The following TPRG1 variants were observed in gnomAD, a reference collection of about 807,000 sequenced individuals.
TPRG1 encodes the protein tumor protein p63-regulated gene 1 protein.
TPRG1 carries 29 observed loss-of-function variants against 29.3 expected under a neutral mutation model. That is an observed-to-expected ratio of 0.99 (90% CI 0.74 to 1.35). The LOEUF is 1.35. Among genes scored for constraint, TPRG1 ranks in the 40% most tolerant of loss-of-function variants. The probability of loss-of-function intolerance (pLI) is 0.00; values close to 1 mark genes in which losing one functional copy is unlikely to be tolerated. For missense variants in TPRG1, 327 were observed against 335.0 expected, an observed-to-expected ratio of 0.98 and a Z score of 0.19; for synonymous variants, 130 against 116.8, an observed-to-expected ratio of 1.11 and a Z score of -0.73.
intron 4 of TPRG1, among the ~76,000 whole-genome samples, chr3:189,279,224 C>G (rs1716679089): frequency 6.6e-6 from 1 of 151,970 alleles, no homozygotes. Flanking sequence ...TCCTAGTTTG[C>G]CAACCTTTTC....
intron 2 of TPRG1, among the ~76,000 whole-genome samples, chr3:189,214,908 G>T (rs998516872): frequency 1.1e-4 from 16 of 149,272 alleles, no homozygotes; most frequent in South Asian, 2.2e-4. Context: ...TTGGAAGAAG[G>T]CTATGTTGTT....
At chr3:189,270,004 T>C (rs994461223) in intron 4 of TPRG1, among the ~76,000 whole-genome samples, 5 of 149,568 alleles carry the variant, frequency 3.3e-5, no homozygotes, top group Non-Finnish European at 7.4e-5. Flanking sequence ...TGGCTATCTT[T>C]TCTCTTCTCT....
At chr3:189,093,271 A>G (rs985638298) in intron 4 of TPRG1, among the ~76,000 whole-genome samples, 4 of 152,192 alleles carry the variant, frequency 2.6e-5, no homozygotes, top group Non-Finnish European at 5.9e-5. Flanking sequence ...ATTCAGCTGC[A>G]TTTTGCTTGG....
intron 4 of TPRG1, among the ~76,000 whole-genome samples, chr3:189,149,363 G>A (rs1725652847): frequency 6.6e-6 from 1 of 152,096 alleles, no homozygotes; most frequent in Non-Finnish European, 1.5e-5. Context: ...TCTTACTCAG[G>A]GCACGAAAGT....
chr3:189,057,738 G>GTA (rs140126859), intron 4 of TPRG1, among the ~76,000 whole-genome samples: 2 of 143,760 alleles, frequency 1.4e-5, no homozygotes, highest in African/African-American at 2.6e-5. Flanking sequence ...ATTTCTATTA[G>GTA]TATATATATA....
chr3:189,173,342 CTTT>C (rs5855241), intron 1 of TPRG1, among the ~76,000 whole-genome samples: 1 of 113,648 alleles, frequency 8.8e-6, no homozygotes, highest in Non-Finnish European at 1.7e-5. Context: ...TTTTCTTCTT[CTTT>C]TTTTTTTTTT....
chr3:189,231,282 A>G (rs1262568840), intron 3 of TPRG1, among the ~76,000 whole-genome samples: 5 of 149,264 alleles, frequency 3.3e-5, no homozygotes, highest in Non-Finnish European at 7.4e-5. Context: ...ATATATATAT[A>G]TATGCACACA....
rs937287615 is a variant in TPRG1 at position 189,237,366 on chromosome 3, T to C, written c.303-1367T>C. Among the ~76,000 whole-genome samples, 16 of 152,082 alleles carry C rather than the reference T, an allele frequency of 1.1e-4. 1 individual carries two copies. Among genetic ancestry groups the C allele is most frequent in the Admixed American group, 9.8e-4 (15 of 15,262 alleles). ...CTACTCAGCTTGTACTTATTAGCAT[T>C]TCCCTACCTTCAGTATTGTGGTGTA... On this transcript the variant is annotated intron_variant, in intron 3 of 5. Coordinates refer to ENST00000345063, the MANE Select transcript of TPRG1 (RefSeq NM_198485.4).
intron 2 of TPRG1, among the ~76,000 whole-genome samples, chr3:189,210,131 G>A (rs1735034328): frequency 6.6e-6 from 1 of 152,164 alleles, no homozygotes; most frequent in Non-Finnish European, 1.5e-5. Context: ...GTCTGTGTGT[G>A]TTGGGGGGAG....
chr3:189,195,207 G>A (rs115440167), intron 1 of TPRG1, among the ~76,000 whole-genome samples: 1,524 of 152,192 alleles, frequency 0.01, 28 homozygotes, highest in African/African-American at 0.035. Flanking sequence ...CTTAGGTACT[G>A]GGGTGCATGA....
intron 5 of TPRG1, among the ~76,000 whole-genome samples, chr3:189,320,423 G>GA (rs1724184457): frequency 6.6e-6 from 1 of 152,008 alleles, no homozygotes; most frequent in Non-Finnish European, 1.5e-5. Context: ...TGGGCCTGAG[G>GA]AAAGTTAGTC....
intron 5 of TPRG1, among the ~76,000 whole-genome samples, chr3:189,158,081 C>A (rs185503794): frequency 2.6e-5 from 4 of 152,266 alleles, no homozygotes; most frequent in Non-Finnish European, 5.9e-5. Flanking sequence ...CTGGCCAAAT[C>A]TTTTATAGTC....
intron 4 of TPRG1, among the ~76,000 whole-genome samples, chr3:189,249,013 T>C (rs1209696949): frequency 2.0e-5 from 3 of 151,430 alleles, no homozygotes; most frequent in Admixed American, 2.0e-4. Context: ...GTAGTGAGAT[T>C]AGTATATCAT....
intron 4 of TPRG1, among the ~76,000 whole-genome samples, chr3:189,239,132 A>G (rs1461734611): frequency 6.6e-6 from 1 of 152,184 alleles, no homozygotes; most frequent in African/African-American, 2.4e-5. Flanking sequence ...GCTCATAAAG[A>G]CATACCCCAA....
At position 189,022,576 on chromosome 3, in the gene TPRG1, G is replaced by A. The variant is rs1042152202; in HGVS notation, c.-659-1174G>A. The stretch of plus-strand genomic sequence containing the variant: ...AGGGGTCAGGGACCCACTTGAGGAG[G>A]CAGTCTGCCCGTTCTCAGATCTCCA... On this transcript the variant is annotated intron_variant, in intron 3 of 10. Transcript: ENST00000433971. Among the ~76,000 whole-genome samples, 246 of 149,950 alleles carry A rather than the reference G, an allele frequency of 1.6e-3. 2 individuals carry two copies. Among genetic ancestry groups the A allele is most frequent in the Non-Finnish European group, 2.8e-3 (185 of 67,254 alleles).
chr3:189,036,990 C>T (rs1714309952), intron 4 of TPRG1, among the ~76,000 whole-genome samples: 1 of 150,108 alleles, frequency 6.7e-6, no homozygotes, highest in Non-Finnish European at 1.5e-5. Flanking sequence ...TACTCCTGCC[C>T]CACCAAAATC....
At chr3:189,036,159 G>A (rs1714254201) in intron 4 of TPRG1, among the ~76,000 whole-genome samples, 3 of 152,068 alleles carry the variant, frequency 2.0e-5, no homozygotes, top group African/African-American at 4.8e-5. Flanking sequence ...ATTAATGAAG[G>A]AACAGAAAAA....
intron 3 of TPRG1, among the ~76,000 whole-genome samples, chr3:189,222,719 G>A (rs1474427991): frequency 2.6e-5 from 4 of 152,134 alleles, no homozygotes; most frequent in Admixed American, 6.5e-5. Context: ...TTCCATATAC[G>A]TCTGTTACAT....
At chr3:189,017,621 G>C (rs1269401274) in intron 3 of TPRG1, among the ~76,000 whole-genome samples, 1 of 152,028 alleles carries the variant, frequency 6.6e-6, no homozygotes, top group Non-Finnish European at 1.5e-5. Flanking sequence ...TCTTAATCCA[G>C]TCTATCATTG....
Sources: gnomAD v4.1 joint callset for allele counts (sites outside exome capture counted in the v4.1 genomes callset) on GRCh38, gnomAD v4.1.1 for gene constraint, MANE v1.5 for transcripts, NCBI Gene and HGNC (gene_info 2026-07-23, HGNC 2026-07-21) for gene names.